The following RERE variants were observed in gnomAD, a reference collection of about 807,000 sequenced individuals.
RERE encodes the protein arginine-glutamic acid dipeptide repeats, also known as arginine-glutamic acid dipeptide repeats protein.
In RERE, 40 loss-of-function variants were observed where a neutral mutation model predicts 146.1. The observed-to-expected ratio is 0.27, with a 90% confidence interval of 0.21 to 0.36. RERE has a LOEUF of 0.36. RERE is among the 10% of genes least tolerant of loss of function. RERE has a pLI of 1.00. For synonymous variants in RERE, 1,003 were observed against 866.0 expected (o/e 1.16, Z -2.78); for missense variants, 1,933 against 2,138.7 (o/e 0.90, Z 1.90).
intron 1 of RERE, among the ~76,000 whole-genome samples, chr1:8,660,490 C>T (rs966245507): frequency 3.9e-5 from 6 of 152,222 alleles, no homozygotes; most frequent in Admixed American, 2.0e-4. Context: ...AAGTTGTCAT[C>T]CTCGCTTTAC....
At chr1:8,382,895 C>T (rs983946381) in intron 12 of RERE, among the ~76,000 whole-genome samples, 2 of 151,854 alleles carry the variant, frequency 1.3e-5, no homozygotes, top group Non-Finnish European at 2.9e-5. Flanking sequence ...AAAAAGGAGC[C>T]GGCACACATG....
intron 1 of RERE, among the ~76,000 whole-genome samples, chr1:8,667,243 A>G (rs368334741): frequency 1.3e-5 from 2 of 152,222 alleles, no homozygotes; most frequent in South Asian, 2.1e-4. Flanking sequence ...AGCAAAACTC[A>G]AGGCTACAAT....
At chr1:8,606,719 G>T (rs1646715029) in intron 4 of RERE, among the ~76,000 whole-genome samples, 1 of 152,014 alleles carries the variant, frequency 6.6e-6, no homozygotes, top group Non-Finnish European at 1.5e-5. Flanking sequence ...TTGAAAATAG[G>T]TTACTAGTTC....
At chr1:8,470,813 CT>C (rs71580028) in intron 10 of RERE, among the ~76,000 whole-genome samples, 9 of 74,552 alleles carry the variant, frequency 1.2e-4, no homozygotes, top group East Asian at 4.5e-4. Flanking sequence ...AAAGAAATAC[CT>C]TTTTTTTTTT....
intron 4 of RERE, among the ~76,000 whole-genome samples, chr1:8,580,896 ACT>A (rs1161494650): frequency 6.6e-6 from 1 of 151,960 alleles, no homozygotes; most frequent in Non-Finnish European, 1.5e-5. Context: ...GTGTCATTTC[ACT>A]ATGTTGCCAA....
chr1:8,599,106 G>A (rs1055692404), intron 4 of RERE, among the ~76,000 whole-genome samples: 1 of 152,172 alleles, frequency 6.6e-6, no homozygotes, highest in Admixed American at 6.5e-5. Context: ...TCAGAGGCTC[G>A]CCTTCTCTTT....
At chr1:8,698,311 TGTCATTTTATTAAAAGGCACACAA>T (rs1394140619) in intron 1 of RERE, among the ~76,000 whole-genome samples, 4 of 150,754 alleles carry the variant, frequency 2.7e-5, no homozygotes, top group Admixed American at 6.6e-5. Context: ...GTACTTTCAC[TGTCATTTTATTAAAAGGCACACAA>T]GTCACTACTG....
At chr1:8,558,650 T>C (rs1029873657) in intron 4 of RERE, among the ~76,000 whole-genome samples, 7 of 152,054 alleles carry the variant, frequency 4.6e-5, no homozygotes, top group African/African-American at 1.4e-4. Flanking sequence ...GTCACAAATA[T>C]AGCCAACACT....
At chr1:8,547,098 A>AC (rs1557681472) in intron 6 of RERE, among the ~76,000 whole-genome samples, 6 of 151,758 alleles carry the variant, frequency 4.0e-5, no homozygotes, top group Non-Finnish European at 8.8e-5. Flanking sequence ...AAAAAAAAAA[A>AC]AACAAAATAT....
intron 1 of RERE, among the ~76,000 whole-genome samples, chr1:8,668,231 C>G (rs1347345246): frequency 1.3e-5 from 2 of 152,142 alleles, no homozygotes; most frequent in Non-Finnish European, 2.9e-5. Context: ...TAGACAAATT[C>G]AAAGTATTGC....
At chr1:8,558,768 A>T (rs1257101043) in intron 4 of RERE, among the ~76,000 whole-genome samples, 1 of 151,902 alleles carries the variant, frequency 6.6e-6, no homozygotes, top group Non-Finnish European at 1.5e-5. Context: ...CTCAAATGTG[A>T]AGATGTGTTA....
chr1:8,728,477 C>A (rs1368417213), intron 1 of RERE, among the ~76,000 whole-genome samples: 4 of 143,788 alleles, frequency 2.8e-5, no homozygotes, highest in African/African-American at 2.5e-5. Context: ...AAAAAAAAAA[C>A]CCTATTGAAA....
chr1:8,469,139 T>C (rs1191197751), intron 10 of RERE, among the ~76,000 whole-genome samples: 2 of 152,064 alleles, frequency 1.3e-5, no homozygotes, highest in East Asian at 3.9e-4. Context: ...GTTAGCTACA[T>C]CTTTTAAAAA....
chr1:8,644,582 T>C (rs1316017380), intron 2 of RERE, among the ~76,000 whole-genome samples: 2 of 152,216 alleles, frequency 1.3e-5, no homozygotes, highest in Non-Finnish European at 2.9e-5. Flanking sequence ...AAAATGTGTA[T>C]TTCTCTTTCA....
chr1:8,518,294 C>T (rs1019158568), intron 7 of RERE, among the ~76,000 whole-genome samples: 3 of 152,172 alleles, frequency 2.0e-5, no homozygotes, highest in African/African-American at 7.2e-5. Context: ...TCCTAACAGT[C>T]GTGTAGCCTG....
intron 7 of RERE, among the ~76,000 whole-genome samples, chr1:8,518,584 T>C (rs1229364928): frequency 6.6e-6 from 1 of 152,160 alleles, no homozygotes; most frequent in Non-Finnish European, 1.5e-5. Flanking sequence ...ATACACTACA[T>C]TTTAAGAAAA....
intron 4 of RERE, among the ~76,000 whole-genome samples, chr1:8,592,827 CA>C (rs1463943290): frequency 6.6e-6 from 1 of 152,146 alleles, no homozygotes; most frequent in Admixed American, 6.5e-5. Flanking sequence ...AGAAAATGAA[CA>C]GAAATTCAAT....
At chr1:8,411,542 C>T (rs765786015) in intron 12 of RERE, among the ~76,000 whole-genome samples, 1 of 152,118 alleles carries the variant, frequency 6.6e-6, no homozygotes, top group South Asian at 2.1e-4. Context: ...ACCCATCTCC[C>T]GTAAGGTGGC....
At chr1:8,793,608 T>G (rs1641409577) in intron 1 of RERE, among the ~76,000 whole-genome samples, 2 of 152,122 alleles carry the variant, frequency 1.3e-5, no homozygotes, top group Non-Finnish European at 1.5e-5. Flanking sequence ...AAACCAAAAG[T>G]GAGAAAACCT....
Sources: allele counts gnomAD v4.1 joint callset (sites outside exome capture counted in the v4.1 genomes callset), GRCh38; gene constraint gnomAD v4.1.1; transcripts MANE v1.5; gene names NCBI Gene and HGNC (gene_info 2026-07-23, HGNC 2026-07-21).